Variants in LAPTM5 observed in about 807,000 individuals in gnomAD.
LAPTM5 encodes the protein lysosomal protein transmembrane 5, also known as lysosomal-associated transmembrane protein 5.
LAPTM5 carries 11 observed loss-of-function variants against 30.1 expected under a neutral mutation model. The observed-to-expected ratio is 0.37, with a 90% CI of 0.23 to 0.60. LAPTM5 has a LOEUF of 0.60. Ranked by LOEUF, LAPTM5 falls within the 20% of genes least tolerant of loss-of-function variation. The pLI, the probability that LAPTM5 is intolerant of heterozygous loss-of-function variation, is 0.71. For synonymous variants in LAPTM5, 151 were observed against 137.9 expected, an observed-to-expected ratio of 1.10 and a Z score of -0.67; for missense variants, 324 against 332.5, an observed-to-expected ratio of 0.97 and a Z score of 0.20.
In LAPTM5 at chr1:30,735,229, A is replaced by C. The variant is rs746263342; in HGVS notation, c.643T>G (p.Leu215Val). The part of the protein sequence containing the change: ...MFKCVWRCYR[L>V]IKCMNSVEEK... The stretch of plus-strand genomic sequence containing the variant: ...TCCACCGAGTTCATGCACTTGATCA[A>C]TCTGTAGCACCGCCACACGCACTTG... The change falls in exon 7 of 8, where the codon TTG (leucine) becomes GTG (valine). Residue 215 changes from leucine (L) to valine (V), a missense_variant. Coordinates refer to ENST00000294507, the MANE Select transcript of LAPTM5 (RefSeq NM_006762.3). The C allele has an allele frequency of 2.5e-6, 4 of 1,614,028 alleles. No individual in the cohort carries two copies. The Admixed American group carries it at 6.7e-5, about 27-fold the overall frequency.
At chr1:30,744,157 C>A (rs529126545) in intron 1 of LAPTM5, among the ~76,000 whole-genome samples, 12 of 152,272 alleles carry the variant, frequency 7.9e-5, no homozygotes, top group African/African-American at 2.2e-4. Flanking sequence ...ACGGTGCATG[C>A]TCTAACTGCC....
Position 30,733,424 on chromosome 1 carries a change from A to G in LAPTM5, c.*404T>C, listed in dbSNP as rs1282715875. 1.2e-6 allele frequency: 1 copy of G among 867,212 alleles called. No individual in the cohort carries two copies. Among genetic ancestry groups the G allele is most frequent in the African/African-American group, 1.8e-5 (1 of 56,968 alleles). 53.7% of individuals were successfully genotyped at this position (867,212 alleles called of 1,614,324 possible). A position where few individuals can be genotyped will look rare whatever the true frequency, so the allele number is the denominator to read the frequency against. ...CTGACAACTATTTATAAATCAATGC[A>G]ATAGACTGTTGTTTGACCAAATTAT... On this transcript the variant is annotated 3_prime_UTR_variant, in exon 8 of 8. Coordinates refer to ENST00000294507, the MANE Select transcript of LAPTM5 (RefSeq NM_006762.3).
At chr1:30,753,052 G>T (rs1306534190) in intron 1 of LAPTM5, among the ~76,000 whole-genome samples, 1 of 150,378 alleles carries the variant, frequency 6.6e-6, no homozygotes, top group African/African-American at 2.4e-5. Context: ...AAAATGCTGG[G>T]ATTACAGGCA....
intron 1 of LAPTM5, among the ~76,000 whole-genome samples, chr1:30,751,111 G>A (rs1470105957): frequency 6.6e-6 from 1 of 152,282 alleles, no homozygotes; most frequent in East Asian, 1.9e-4. Context: ...CAACAGAGAA[G>A]TCTCGGCCAG....
Position 30,757,728 on chromosome 1 carries a change from G to C in LAPTM5, c.18C>G (p.Ser6=). ...AGCAGCAGCAGGTCTGGCGGACAGT[G>C]GACAAGCGGGGGTCCATGGTGCTGC... MDPRL[S]TVRQTCCCFN... The change falls in exon 1 of 8, where the codon TCC becomes TCG. Residue 6 remains serine, a synonymous_variant. Transcript: ENST00000294507. 6.2e-7 allele frequency: 1 copy of C among 1,613,732 alleles called. No homozygotes were observed. The highest frequency in any genetic ancestry group is 8.5e-7 in the Non-Finnish European group (1 of 1,179,992).
chr1:30,733,502 A>T lies in LAPTM5; in HGVS notation c.*326T>A. The T allele has an allele frequency of 7.1e-7, 1 of 1,405,734 alleles. No individual in the cohort carries two copies. The highest frequency in any genetic ancestry group is 9.4e-7 in the Non-Finnish European group (1 of 1,064,328). 87.1% of individuals were successfully genotyped at this position (1,405,734 alleles called of 1,614,324 possible). On this transcript the variant is annotated 3_prime_UTR_variant, in exon 8 of 8. Coordinates refer to ENST00000294507, the MANE Select transcript of LAPTM5 (RefSeq NM_006762.3). ...ATTTGTCAGTTGCTTGGCTGAACTG[A>T]TCAAGTCGATAGTTGCTTGACAAAC...
chr1:30,757,763 C>T lies in LAPTM5; in HGVS notation c.-18G>A, dbSNP rs1640233751. 1.2e-6 allele frequency: 2 copies of T among 1,610,444 alleles called. No individual in the cohort carries two copies. The highest frequency in any genetic ancestry group is 1.7e-6 in the Non-Finnish European group (2 of 1,178,384). On this transcript the variant is annotated 5_prime_UTR_variant, in exon 1 of 8. Transcript: ENST00000294507. ...GGGTCCATGGTGCTGCCGTCCCCTC[C>T]TCTGAGACACTGAAGGGGAAAGAGC...
intron 5 of LAPTM5, 85 bp from the exon 6 acceptor site, chr1:30,737,784 C>G: frequency 1.2e-6 from 1 of 858,062 alleles, no homozygotes; most frequent in Non-Finnish European, 1.9e-6. Context: ...AATGATCCCA[C>G]CCTCCACACA....
chr1:30,757,736 G>C lies in LAPTM5; in HGVS notation c.10C>G (p.Arg4Gly), dbSNP rs143486131. The change falls in exon 1 of 8, where the codon CGC (arginine) becomes GGC (glycine). Residue 4 changes from arginine to glycine, a missense_variant. Arg to Gly is a moderately radical substitution (Grantham distance 125). Transcript: ENST00000294507. ...CAGGTCTGGCGGACAGTGGACAAGCGGGGGTCCATGGTGCTGCCGTCCCCT... is the reference window on the plus strand; with the variant it reads ...CAGGTCTGGCGGACAGTGGACAAGCCGGGGTCCATGGTGCTGCCGTCCCCT... MDP[R>G]LSTVRQTCCC... The C allele has an allele frequency of 6.2e-5, 100 of 1,613,548 alleles. No individual in the cohort carries two copies. The African/African-American group carries it at 1.2e-3, about 19-fold the overall frequency.
At chr1:30,741,286 C>T (rs1184878174) in intron 3 of LAPTM5, among the ~76,000 whole-genome samples, 1 of 152,208 alleles carries the variant, frequency 6.6e-6, no homozygotes, top group African/African-American at 2.4e-5. Flanking sequence ...TTTCTCCCGT[C>T]TCTCACCCCC....
chr1:30,733,766 A>T lies in LAPTM5; in HGVS notation c.*62T>A, dbSNP rs1228988707. On this transcript the variant is annotated 3_prime_UTR_variant, in exon 8 of 8. Transcript: ENST00000294507. ...CCCAGGCCACAGGGGCCACCAAAGC[A>T]AAAAAGCAGATTATGAGGCAGCTCC... 1 of 1,562,194 alleles carries T rather than the reference A, an allele frequency of 6.4e-7. No individual in the cohort carries two copies.
At chr1:30,753,963 A>T (rs914536961) in intron 1 of LAPTM5, among the ~76,000 whole-genome samples, 1 of 152,234 alleles carries the variant, frequency 6.6e-6, no homozygotes, top group Non-Finnish European at 1.5e-5. Flanking sequence ...AGTAGAAAAA[A>T]TAGAGCTTTC....
chr1:30,757,178 C>A (rs192653777), intron 1 of LAPTM5, among the ~76,000 whole-genome samples: 167 of 152,348 alleles, frequency 1.1e-3, no homozygotes, highest in African/African-American at 3.9e-3. Flanking sequence ...CTTCTCATCC[C>A]CTCGAGTGGC....
intron 7 of LAPTM5, among the ~76,000 whole-genome samples, chr1:30,734,760 T>G (rs867449587): frequency 2.7e-4 from 41 of 152,204 alleles, no homozygotes; most frequent in African/African-American, 9.2e-4. Flanking sequence ...TCATATCCAT[T>G]GACCCTCCAA....
chr1:30,737,043 G>A (rs1639895359), intron 6 of LAPTM5, among the ~76,000 whole-genome samples: 1 of 152,092 alleles, frequency 6.6e-6, no homozygotes, highest in African/African-American at 2.4e-5. Context: ...TCACGTTGCT[G>A]GTTGTACTGC....
intron 5 of LAPTM5, 53 bp downstream of exon 5, chr1:30,738,887 T>C: frequency 6.4e-7 from 1 of 1,552,892 alleles, no homozygotes; most frequent in Non-Finnish European, 8.7e-7. Context: ...TGAAGTAACC[T>C]GTTCAAGGCC....
At chr1:30,737,547 T>C in intron 6 of LAPTM5, 57 bp downstream of exon 6, 1 of 1,322,916 alleles carries the variant, frequency 7.6e-7, no homozygotes, top group African/African-American at 1.4e-5. Context: ...TGGGCAGGCC[T>C]GGGCCCAGCA....
At position 30,737,662 on chromosome 1, in the gene LAPTM5, T is replaced by G; in HGVS notation, c.548A>C (p.Gln183Pro). The G allele has an allele frequency of 6.2e-7, 1 of 1,613,842 alleles. No homozygotes were observed. Among genetic ancestry groups the G allele is most frequent in the Non-Finnish European group, 8.5e-7 (1 of 1,179,836 alleles). Residue 183 changes from glutamine to proline, a missense_variant, in exon 6 of 8, where the codon CAG becomes CCG. Gln to Pro is a moderately conservative substitution (Grantham distance 76). Transcript: ENST00000294507. Reference sequence around the variant, plus strand: ...AAAGATGATCATCATCTTGATGAACTGGTTATGAGGCATATCCTCCTGGCT... The same window carrying G: ...AAAGATGATCATCATCTTGATGAACGGGTTATGAGGCATATCCTCCTGGCT... ...LPSQEDMPHN[Q>P]FIKMMIIFSI...
chr1:30,741,297 A>G (rs920291883), intron 3 of LAPTM5, among the ~76,000 whole-genome samples: 2 of 152,134 alleles, frequency 1.3e-5, no homozygotes, highest in African/African-American at 4.8e-5. Flanking sequence ...TCTCACCCCC[A>G]GAAACAACAC....
Sources: gnomAD v4.1 joint callset for allele counts (sites outside exome capture counted in the v4.1 genomes callset) on GRCh38, gnomAD v4.1.1 for gene constraint, MANE v1.5 for transcripts, NCBI Gene and HGNC (gene_info 2026-07-23, HGNC 2026-07-21) for gene names.